Variants in SMG6 observed in about 807,000 individuals in gnomAD.
The protein encoded by SMG6 is telomerase-binding protein EST1A.
In SMG6, 66 loss-of-function variants were observed where a neutral mutation model predicts 142.2. The ratio of observed to expected loss-of-function variants is 0.46; its 90% confidence interval spans 0.38 to 0.57. The LOEUF (loss-of-function observed/expected upper bound fraction) is 0.57, where lower values mean the gene tolerates loss of function less well. Among genes scored for constraint, SMG6 ranks in the 20% least tolerant of loss-of-function variants. The pLI, the probability that SMG6 is intolerant of heterozygous loss-of-function variation, is 0.00. For missense variants in SMG6, 1,793 were observed against 1,832.0 expected (o/e 0.98, Z 0.39); for synonymous variants, 779 against 702.4 (o/e 1.11, Z -1.72).
intron 13 of SMG6, among the ~76,000 whole-genome samples, chr17:2,136,150 C>T (rs902818936): frequency 2.0e-5 from 3 of 151,914 alleles, no homozygotes; most frequent in African/African-American, 4.8e-5. Context: ...GAAACCTCTG[C>T]CCTGGGGTTC....
intron 18 of SMG6, among the ~76,000 whole-genome samples, chr17:2,064,724 G>A (rs2067887766): frequency 6.6e-6 from 1 of 151,602 alleles, no homozygotes; most frequent in Non-Finnish European, 1.5e-5. Context: ...GGGAGACCAT[G>A]GCCAGCACCA....
At chr17:2,303,313 G>T in intron 1 of SMG6, 4 of 1,131,252 alleles carry the variant, frequency 3.5e-6, no homozygotes, top group Non-Finnish European at 4.3e-6. Flanking sequence ...ACTCCTTTCC[G>T]CGTCTCCCGA....
chr17:2,141,583 A>C (rs773591292), intron 13 of SMG6, among the ~76,000 whole-genome samples: 27 of 152,310 alleles, frequency 1.8e-4, no homozygotes, highest in East Asian at 7.7e-4. Flanking sequence ...CTAGGACCAC[A>C]GGTGTGCACA....
At chr17:2,232,994 C>G (rs992625487) in intron 10 of SMG6, 29 of 152,222 alleles carry the variant, frequency 1.9e-4, no homozygotes, top group Admixed American at 1.9e-3. Context: ...CACAGTAAAA[C>G]GTTAGCAACA....
intron 9 of SMG6, among the ~76,000 whole-genome samples, chr17:2,238,236 C>T (rs2073715627): frequency 6.6e-6 from 1 of 152,226 alleles, no homozygotes; most frequent in East Asian, 1.9e-4. Context: ...TTACAGTTTA[C>T]ATTCCAGTTC....
rs560874429 is a variant in SMG6, at chr17:2,255,390, C to T, written c.2662-10671G>A. 2.8e-4 allele frequency among the ~76,000 whole-genome samples: 29 copies of T among 104,928 alleles called. No individual in the cohort carries two copies. In the South Asian group the frequency reaches 3.7e-3, roughly 13 times the overall value. The allele number at this position is 104,928 out of a possible 152,430, so 68.8% of individuals were successfully genotyped here. A position where few individuals can be genotyped will look rare whatever the true frequency, so the allele number is the denominator to read the frequency against. ...CTGCACTCCAGCCTGGGCGACAGAG[C>T]GAGACTCCGTCTCAAAAAAAAAAAA... On this transcript the variant is annotated intron_variant, in intron 8 of 18. Transcript: ENST00000263073.
At chr17:2,076,770 G>A (rs1031210288) in intron 15 of SMG6, among the ~76,000 whole-genome samples, 2 of 152,226 alleles carry the variant, frequency 1.3e-5, no homozygotes, top group Non-Finnish European at 2.9e-5. Context: ...GGAGGAAGGA[G>A]GCTGACAGGA....
At chr17:2,277,045 T>C (rs2074665404) in intron 8 of SMG6, among the ~76,000 whole-genome samples, 1 of 151,950 alleles carries the variant, frequency 6.6e-6, no homozygotes, top group Non-Finnish European at 1.5e-5. Context: ...CCTCCCAAAG[T>C]GTTGGGATTA....
intron 7 of SMG6, 53 bp downstream of exon 7, chr17:2,283,572 T>C: frequency 7.0e-7 from 1 of 1,428,242 alleles, no homozygotes; most frequent in Non-Finnish European, 9.9e-7. Flanking sequence ...ACACCAACAC[T>C]CAGGGAAATG....
intron 13 of SMG6, chr17:2,101,576 C>G (rs1017951660): frequency 2.0e-5 from 3 of 152,180 alleles, no homozygotes; most frequent in African/African-American, 7.2e-5. Flanking sequence ...TCAAGGTTTA[C>G]CAGCTCACCA....
At position 2,087,494 on chromosome 17, in the gene SMG6, A is replaced by G. The variant is rs149062441; in HGVS notation, c.3358-1593T>C. On this transcript the variant is annotated intron_variant, in intron 13 of 18. Transcript: ENST00000263073. Reference sequence around the variant, plus strand: ...TGGCCCTGTTACCATTATAGGCTGGAATCTCAAGCTAAGTACTTTGACCAC... The same window carrying G: ...TGGCCCTGTTACCATTATAGGCTGGGATCTCAAGCTAAGTACTTTGACCAC... 6.3e-5 allele frequency: 66 copies of G among 1,049,556 alleles called. No individual in the cohort carries two copies. The African/African-American group carries it at 9.0e-4, about 14-fold the overall frequency. 65.0% of individuals were successfully genotyped at this position (1,049,556 alleles called of 1,614,324 possible). A position where few individuals can be genotyped will look rare whatever the true frequency, so the allele number is the denominator to read the frequency against.
At chr17:2,105,083 ATTTTT>A (rs549898049) in intron 13 of SMG6, among the ~76,000 whole-genome samples, 25 of 103,150 alleles carry the variant, frequency 2.4e-4, no homozygotes, top group South Asian at 1.0e-3. Flanking sequence ...CACCCAGCTA[ATTTTT>A]TTTTTTTTTT....
chr17:2,276,983 G>T (rs2074663624), intron 8 of SMG6, among the ~76,000 whole-genome samples: 1 of 151,682 alleles, frequency 6.6e-6, no homozygotes, highest in South Asian at 2.1e-4. Context: ...GTTTCTCCAT[G>T]TTAGTCAGCC....
intron 13 of SMG6, chr17:2,088,394 C>T: frequency 3.0e-6 from 3 of 985,362 alleles, no homozygotes; most frequent in Non-Finnish European, 3.6e-6. Flanking sequence ...ATTGCCTATT[C>T]CATGGACACA....
At chr17:2,234,706 A>AATT (rs201482826) in intron 10 of SMG6, among the ~76,000 whole-genome samples, 2,767 of 150,898 alleles carry the variant, frequency 0.018, 94 homozygotes, top group African/African-American at 0.064. Context: ...TTTAATTCTT[A>AATT]ATTATTATTA....
chr17:2,244,970 C>T, intron 8 of SMG6: 1 of 526,324 alleles, frequency 1.9e-6, no homozygotes, highest in Non-Finnish European at 3.4e-6. Flanking sequence ...CACCTGTGTG[C>T]AGGGGATGAG....
At position 2,071,015 on chromosome 17, in the gene SMG6, T is replaced by C. The variant is rs2068085090; in HGVS notation, c.3682-2084A>G. ...CCATGCGCTCTCCGTCTAGCTCTTC[T>C]GTTGCCAGGCATGCTCTCCTGGTAC... On this transcript the variant is annotated intron_variant, in intron 15 of 18. Coordinates refer to ENST00000263073, the MANE Select transcript of SMG6 (RefSeq NM_017575.5). The surrounding 1 kb of genome is among the most constrained non-coding windows in gnomAD (Gnocchi z 5.6). Among the ~76,000 whole-genome samples the C allele has an allele frequency of 6.6e-6, 1 of 152,238 alleles. No homozygotes were observed. Among genetic ancestry groups the C allele is most frequent in the African/African-American group, 2.4e-5 (1 of 41,456 alleles).
chr17:2,256,637 T>C (rs906506005), intron 8 of SMG6, among the ~76,000 whole-genome samples: 4 of 152,084 alleles, frequency 2.6e-5, no homozygotes, highest in Non-Finnish European at 5.9e-5. Flanking sequence ...CAGCCACGCA[T>C]GGTGGCGCAC....
At chr17:2,084,313 C>T (rs1168655931) in intron 14 of SMG6, among the ~76,000 whole-genome samples, 1 of 152,242 alleles carries the variant, frequency 6.6e-6, no homozygotes, top group East Asian at 1.9e-4. Context: ...GGATGCCCTG[C>T]CAGCTTTAGC....
Sources: allele counts gnomAD v4.1 joint callset (sites outside exome capture counted in the v4.1 genomes callset), GRCh38; gene constraint gnomAD v4.1.1; non-coding constraint Gnocchi (gnomAD v3.1); transcripts MANE v1.5; gene names NCBI Gene and HGNC (gene_info 2026-07-23, HGNC 2026-07-21).